STRADB: variants seen among roughly 807,000 people sequenced by gnomAD.
STRADB encodes the protein STE20 related adaptor beta, also known as STE20-related kinase adapter protein beta.
In STRADB, 34 loss-of-function variants were observed where a neutral mutation model predicts 52.1. That is an observed-to-expected ratio of 0.65 (90% CI 0.50 to 0.87). STRADB has a LOEUF of 0.87. Ranked by LOEUF, STRADB falls within the 40% of genes least tolerant of loss-of-function variation. STRADB has a pLI of 0.00. For missense variants in STRADB, 340 were observed against 483.9 expected, an observed-to-expected ratio of 0.70 and a Z score of 2.79; for synonymous variants, 133 against 174.5, an observed-to-expected ratio of 0.76 and a Z score of 1.87.
intron 5 of STRADB, among the ~76,000 whole-genome samples, chr2:201,474,431 T>C (rs1012367163): frequency 2.0e-5 from 3 of 152,158 alleles, no homozygotes; most frequent in East Asian, 3.8e-4. Context: ...TTTGGACAGG[T>C]TTTCTAACTT....
chr2:201,477,951 T>C (rs1952505873), intron 8 of STRADB, 136 bp from the exon 9 acceptor site: 1 of 1,161,938 alleles, frequency 8.6e-7, no homozygotes. Flanking sequence ...ATACCATATA[T>C]GAAGTGTGTC....
At chr2:201,454,005 C>T (rs562043077) in intron 1 of STRADB, among the ~76,000 whole-genome samples, 1 of 152,292 alleles carries the variant, frequency 6.6e-6, no homozygotes, top group South Asian at 2.1e-4. Context: ...TTCCCTTTCT[C>T]ATCCTGCTCA....
chr2:201,458,420 A>G (rs1166557255), intron 2 of STRADB, among the ~76,000 whole-genome samples: 2 of 152,254 alleles, frequency 1.3e-5, no homozygotes, highest in South Asian at 4.1e-4. Flanking sequence ...TAATGAATTC[A>G]GCAGAATAAT....
intron 7 of STRADB, among the ~76,000 whole-genome samples, chr2:201,476,491 G>A (rs1952474995): frequency 2.0e-5 from 3 of 151,208 alleles, no homozygotes; most frequent in Non-Finnish European, 2.9e-5. Flanking sequence ...TAAATTCAGT[G>A]TTTGGTATCG....
At chr2:201,462,590 G>C (rs973682336) in intron 3 of STRADB, among the ~76,000 whole-genome samples, 1 of 152,056 alleles carries the variant, frequency 6.6e-6, no homozygotes, top group Non-Finnish European at 1.5e-5. Flanking sequence ...CATGAGGCTT[G>C]CAAATAACAT....
In STRADB at chr2:201,480,050, G is replaced by C; in HGVS notation, c.1132G>C (p.Asp378His). The C allele has an allele frequency of 6.2e-7, 1 of 1,613,824 alleles. No homozygotes were observed. The highest frequency in any genetic ancestry group is 8.5e-7 in the Non-Finnish European group (1 of 1,179,790). ...FFKQMKEESQDSILSLLPPAY... is the reference protein window; with the variant it reads ...FFKQMKEESQHSILSLLPPAY... Reference sequence around the variant, plus strand: ...TTAACAGATGAAAGAAGAAAGCCAGGATTCAATACTTTCACTGTTGCCTCC... The same window carrying C: ...TTAACAGATGAAAGAAGAAAGCCAGCATTCAATACTTTCACTGTTGCCTCC... The change falls in exon 12 of 12, where the codon GAT becomes CAT. Residue 378 changes from aspartate (D) to histidine (H), a missense_variant. Asp to His is a moderately conservative substitution (Grantham distance 81). Transcript: ENST00000194530.
In STRADB at chr2:201,474,112, G is replaced by A. The variant is rs188055915; in HGVS notation, c.316-535G>A. On this transcript the variant is annotated intron_variant, in intron 5 of 11. Transcript: ENST00000194530. The stretch of plus-strand genomic sequence containing the variant: ...TCACCGTGTTAGCCAGGATGGTCTC[G>A]ATCTCCTGATGTCGTGATCTGCCTG... Among the ~76,000 whole-genome samples the A allele has an allele frequency of 3.9e-5, 6 of 152,008 alleles. No homozygotes were observed. The East Asian group carries it at 7.7e-4, about 20-fold the overall frequency.
At chr2:201,466,001 T>C (rs1952297201) in intron 3 of STRADB, among the ~76,000 whole-genome samples, 1 of 152,192 alleles carries the variant, frequency 6.6e-6, no homozygotes. Context: ...CAGTGCCTCT[T>C]TCAGTGATAG....
intron 1 of STRADB, among the ~76,000 whole-genome samples, chr2:201,454,253 A>G (rs1160798130): frequency 6.6e-6 from 1 of 152,238 alleles, no homozygotes; most frequent in African/African-American, 2.4e-5. Context: ...CAGGGACCCC[A>G]AATGATTTAA....
Position 201,478,172 on chromosome 2 carries a change from A to G in STRADB, c.806A>G (p.Gln269Arg). The stretch of plus-strand genomic sequence containing the variant: ...TTAGCCAGTGGGCAGGTGCCTTTCC[A>G]GGACATGCATAGAACTCAGGTAAGT... ...CELASGQVPF[Q>R]DMHRTQMLLQ... Residue 269 changes from glutamine to arginine, a missense_variant, in exon 9 of 12, where the codon CAG becomes CGG. Transcript: ENST00000194530. The G allele has an allele frequency of 6.2e-7, 1 of 1,613,462 alleles. No individual in the cohort carries two copies. The highest frequency in any genetic ancestry group is 8.5e-7 in the Non-Finnish European group (1 of 1,179,720).
At chr2:201,462,752 T>C (rs1230659622) in intron 3 of STRADB, among the ~76,000 whole-genome samples, 1 of 152,228 alleles carries the variant, frequency 6.6e-6, no homozygotes, top group African/African-American at 2.4e-5. Flanking sequence ...TTTGAAAAGG[T>C]ATTGCAGTTA....
intron 4 of STRADB, chr2:201,472,713 A>G: frequency 3.4e-6 from 1 of 290,776 alleles, no homozygotes. Flanking sequence ...TATCTTGAGC[A>G]TCTTTTCATA....
chr2:201,480,549 C>T lies in STRADB; in HGVS notation c.*374C>T. 3 of 1,009,876 alleles carry T rather than the reference C, an allele frequency of 3.0e-6. No individual in the cohort carries two copies. The highest frequency in any genetic ancestry group is 3.6e-6 in the Non-Finnish European group (3 of 844,408). 62.6% of individuals were successfully genotyped at this position (1,009,876 alleles called of 1,614,324 possible). ...CAGTGCTTCCAAGTACATCTTCTCC[C>T]AGATTCTCTGGCCTTTTTAATGAGC... On this transcript the variant is annotated 3_prime_UTR_variant, in exon 12 of 12. Transcript: ENST00000194530.
chr2:201,461,919 C>T (rs1260861827), intron 3 of STRADB, among the ~76,000 whole-genome samples: 5 of 152,178 alleles, frequency 3.3e-5, no homozygotes, highest in Non-Finnish European at 2.9e-5. Context: ...GTTTTCCCAG[C>T]ACCACTTATT....
At chr2:201,475,281 G>C (rs530752579) in intron 6 of STRADB, among the ~76,000 whole-genome samples, 36 of 152,136 alleles carry the variant, frequency 2.4e-4, no homozygotes, top group Non-Finnish European at 4.6e-4. Context: ...TGAATAAATA[G>C]TGAATGGATT....
rs1952509365 is a variant in STRADB, at chr2:201,478,115, A to G, written c.749A>G (p.Asp250Gly). Residue 250 changes from aspartate (D) to glycine (G), a missense_variant, in exon 9 of 12, where the codon GAT becomes GGT. Asp to Gly is a moderately conservative substitution (Grantham distance 94). Transcript: ENST00000194530. Reference protein sequence around the residue: ...QDLHGYNVKSDIYSVGITACE... With the variant: ...QDLHGYNVKSGIYSVGITACE... ...TTACATGGGTATAATGTGAAGTCAG[A>G]TATTTACAGTGTTGGGATTACAGCA... 1.9e-6 allele frequency: 3 copies of G among 1,612,390 alleles called. No individual in the cohort carries two copies. The highest frequency in any genetic ancestry group is 1.3e-5 in the African/African-American group (1 of 74,816).
chr2:201,473,735 C>G (rs1190093193), intron 5 of STRADB, among the ~76,000 whole-genome samples: 1 of 152,110 alleles, frequency 6.6e-6, no homozygotes, highest in South Asian at 2.1e-4. Flanking sequence ...AAATCAAAAA[C>G]AGTTTCCTTT....
intron 3 of STRADB, among the ~76,000 whole-genome samples, chr2:201,467,270 C>T (rs982977014): frequency 2.0e-5 from 3 of 152,210 alleles, no homozygotes; most frequent in African/African-American, 7.2e-5. Context: ...ACTTGAAATT[C>T]ATATCACAGT....
chr2:201,471,252 T>C (rs1248039622), intron 4 of STRADB, among the ~76,000 whole-genome samples: 1 of 152,156 alleles, frequency 6.6e-6, no homozygotes, highest in Non-Finnish European at 1.5e-5. Context: ...TAGGGGAGAA[T>C]ACCATATAGT....
Sources: allele counts gnomAD v4.1 joint callset (sites outside exome capture counted in the v4.1 genomes callset), GRCh38; gene constraint gnomAD v4.1.1; transcripts MANE v1.5; gene names NCBI Gene and HGNC (gene_info 2026-07-23, HGNC 2026-07-21).